Variants in CFAP44 observed in about 807,000 individuals in gnomAD.
CFAP44 encodes cilia and flagella associated protein 44.
CFAP44 carries 134 observed loss-of-function variants against 216.2 expected under a neutral mutation model. The ratio of observed to expected loss-of-function variants is 0.62; its 90% CI spans 0.54 to 0.72. The LOEUF (loss-of-function observed/expected upper bound fraction) is 0.72. Among genes scored for constraint, CFAP44 ranks in the 30% least tolerant of loss-of-function variants. The probability of loss-of-function intolerance (pLI) is 0.00; values close to 1 mark genes in which losing one functional copy is unlikely to be tolerated. For missense variants in CFAP44, 2,035 were observed against 2,182.1 expected, an observed-to-expected ratio of 0.93 and a Z score of 1.34; for synonymous variants, 700 against 727.6, an observed-to-expected ratio of 0.96 and a Z score of 0.61.
intron 22 of CFAP44, among the ~76,000 whole-genome samples, chr3:113,356,479 A>T (rs1437894843): frequency 6.6e-6 from 1 of 152,192 alleles, no homozygotes; most frequent in Non-Finnish European, 1.5e-5. Flanking sequence ...ACAGAATGAT[A>T]CTGGCACCTG....
chr3:113,438,108 A>G (rs1935278379), intron 1 of CFAP44, among the ~76,000 whole-genome samples: 1 of 152,246 alleles, frequency 6.6e-6, no homozygotes, highest in Non-Finnish European at 1.5e-5. Flanking sequence ...ACAATCAGGC[A>G]TAAGAACTGG....
At chr3:113,316,103 C>T (rs764713204) in intron 28 of CFAP44, among the ~76,000 whole-genome samples, 10 of 152,194 alleles carry the variant, frequency 6.6e-5, no homozygotes, top group South Asian at 2.1e-4. Flanking sequence ...ATATGTTCTC[C>T]GACCACAATG....
chr3:113,365,444 A>G (rs1024793552), intron 19 of CFAP44, among the ~76,000 whole-genome samples: 1 of 152,168 alleles, frequency 6.6e-6, no homozygotes, highest in Non-Finnish European at 1.5e-5. Flanking sequence ...CTTTTTCCAA[A>G]CAAATTGCTT....
intron 22 of CFAP44, among the ~76,000 whole-genome samples, chr3:113,356,373 T>C (rs1280167970): frequency 1.3e-5 from 2 of 152,216 alleles, no homozygotes; most frequent in African/African-American, 4.8e-5. Context: ...TTTGTAAAAA[T>C]TGACAAGTTG....
At chr3:113,393,681 A>G (rs576889455) in intron 15 of CFAP44, among the ~76,000 whole-genome samples, 11 of 151,776 alleles carry the variant, frequency 7.2e-5, no homozygotes, top group Admixed American at 1.3e-4. Context: ...ATACCTGGCT[A>G]ATTTTTGTAT....
intron 15 of CFAP44, among the ~76,000 whole-genome samples, chr3:113,391,198 G>A (rs972764693): frequency 3.3e-5 from 5 of 151,922 alleles, no homozygotes; most frequent in African/African-American, 7.2e-5. Flanking sequence ...ATACATCTAC[G>A]ATGAGCTCAT....
intron 2 of CFAP44, 49 bp from the exon 3 acceptor site, chr3:113,427,388 T>G: frequency 6.9e-7 from 1 of 1,447,446 alleles, no homozygotes; most frequent in Non-Finnish European, 9.4e-7. Context: ...AAACATTTTC[T>G]TATTTCTAAA....
At chr3:113,410,152 CT>C (rs139658810) in intron 6 of CFAP44, among the ~76,000 whole-genome samples, 25 of 149,752 alleles carry the variant, frequency 1.7e-4, no homozygotes, top group African/African-American at 3.2e-4. Context: ...AACTTGTTTT[CT>C]TTTTTTTTTA....
chr3:113,374,396 TTTA>T (rs1385553985), intron 17 of CFAP44, among the ~76,000 whole-genome samples: 26 of 149,000 alleles, frequency 1.7e-4, no homozygotes, highest in Middle Eastern at 3.5e-3. Flanking sequence ...TATTTATTTA[TTTA>T]TTATTATACT....
intron 15 of CFAP44, among the ~76,000 whole-genome samples, chr3:113,391,449 A>G (rs1019871762): frequency 6.6e-6 from 1 of 152,174 alleles, no homozygotes; most frequent in Non-Finnish European, 1.5e-5. Context: ...TTTCTTGAAT[A>G]ACACCCCACA....
chr3:113,326,321 A>C (rs966712421), intron 28 of CFAP44, 124 bp downstream of exon 28: 19 of 842,434 alleles, frequency 2.3e-5, no homozygotes, highest in Middle Eastern at 3.6e-4. Context: ...TTTAGCCCCC[A>C]CAGTGTCTCT....
In CFAP44 at chr3:113,350,196, G is replaced by A. The variant is rs575592400; in HGVS notation, c.3066-5484C>T. Among the ~76,000 whole-genome samples, 3 of 151,360 alleles carry A rather than the reference G, an allele frequency of 2.0e-5. No homozygotes were observed. In the East Asian group the frequency reaches 5.9e-4, roughly 30 times the overall value. On this transcript the variant is annotated intron_variant, in intron 22 of 34. Coordinates refer to ENST00000393845, the MANE Select transcript of CFAP44 (RefSeq NM_001164496.2). ...GAGGAAAGAGAGAGAGAGAGAGGAAGAGACAGAGAGACAAAGACAGAGAGA... is the reference window on the plus strand; with the variant it reads ...GAGGAAAGAGAGAGAGAGAGAGGAAAAGACAGAGAGACAAAGACAGAGAGA...
intron 31 of CFAP44, among the ~76,000 whole-genome samples, chr3:113,304,787 A>G (rs1177558534): frequency 6.6e-6 from 1 of 152,140 alleles, no homozygotes; most frequent in Non-Finnish European, 1.5e-5. Context: ...TAGGCTCCTC[A>G]TTTCTCTAGA....
Position 113,427,306 on chromosome 3 carries a change from T to G in CFAP44, c.134A>C (p.Asp45Ala). ...TTTGGTAAATGTTTCATCTGTGTCA[T>G]CTTCTAAAAATGTGTTATCTTCTTG... ...PVQEDNTFLE[D>A]DTDETFTKGE... The change falls in exon 3 of 35, where the codon GAT (aspartate) becomes GCT (alanine). Residue 45 changes from aspartate to alanine, a missense_variant. Around this residue, in one of 3 missense-constraint regions of CFAP44, gnomAD observed 149 missense variants for 141.8 expected, o/e 1.05. Transcript: ENST00000393845. The G allele has an allele frequency of 6.2e-7, 1 of 1,611,778 alleles. No individual in the cohort carries two copies. Among genetic ancestry groups the G allele is most frequent in the Admixed American group, 1.7e-5 (1 of 59,670 alleles).
chr3:113,433,658 C>G lies in CFAP44; in HGVS notation c.7G>C (p.Glu3Gln). 6.2e-7 allele frequency: 1 copy of G among 1,612,398 alleles called. No individual in the cohort carries two copies. The highest frequency in any genetic ancestry group is 2.2e-5 in the East Asian group (1 of 44,846). Residue 3 changes from glutamate (E) to glutamine (Q), a missense_variant, in exon 2 of 35, where the codon GAA becomes CAA. Transcript: ENST00000393845. MK[E>Q]PDDQDTDGEK... Reference sequence around the variant, plus strand: ...CCATCAGTATCCTGATCATCTGGTTCCTTCATTTCCTCTGTAAGTACAAAA... The same window carrying G: ...CCATCAGTATCCTGATCATCTGGTTGCTTCATTTCCTCTGTAAGTACAAAA...
At chr3:113,354,298 A>T (rs1950474710) in intron 22 of CFAP44, among the ~76,000 whole-genome samples, 1 of 152,158 alleles carries the variant, frequency 6.6e-6, no homozygotes, top group South Asian at 2.1e-4. Context: ...GAATCCACAG[A>T]CCCTTTGAAG....
At chr3:113,438,989 G>A (rs1368956465) in intron 1 of CFAP44, among the ~76,000 whole-genome samples, 2 of 152,196 alleles carry the variant, frequency 1.3e-5, no homozygotes, top group African/African-American at 4.8e-5. Flanking sequence ...CTTTCCAGAA[G>A]AGCGGAACTA....
chr3:113,294,899 C>A (rs1476865717), intron 33 of CFAP44, 78 bp from the exon 34 acceptor site: 2 of 1,419,264 alleles, frequency 1.4e-6, no homozygotes, highest in South Asian at 1.6e-5. Context: ...CAGATTTGGT[C>A]AAAATCATCA....
chr3:113,314,999 C>T (rs1950073633), intron 28 of CFAP44, among the ~76,000 whole-genome samples: 1 of 151,928 alleles, frequency 6.6e-6, no homozygotes, highest in Non-Finnish European at 1.5e-5. Flanking sequence ...AAGTAACCCA[C>T]AGGAAAGCAG....
Sources: gnomAD v4.1 joint callset for allele counts (sites outside exome capture counted in the v4.1 genomes callset) on GRCh38, gnomAD v4.1.1 for gene constraint, gnomAD v4.1.1 regional missense constraint, MANE v1.5 for transcripts, NCBI Gene and HGNC (gene_info 2026-07-23, HGNC 2026-07-21) for gene names.